Variants in RIMS2 observed in about 807,000 individuals in gnomAD.
RIMS2 encodes the protein regulating synaptic membrane exocytosis 2.
RIMS2 carries 59 observed loss-of-function variants against 174.4 expected under a neutral mutation model. That is an observed-to-expected ratio of 0.34 (90% confidence interval 0.27 to 0.42). The LOEUF (loss-of-function observed/expected upper bound fraction) is 0.42. Among genes scored for constraint, RIMS2 ranks in the 10% least tolerant of loss-of-function variants. The probability of loss-of-function intolerance (pLI) is 1.00; values close to 1 mark genes in which losing one functional copy is unlikely to be tolerated. For synonymous variants in RIMS2, 606 were observed against 572.5 expected (o/e 1.06, Z -0.84); for missense variants, 1,620 against 1,666.3 (o/e 0.97, Z 0.48).
At chr8:103,854,843 T>G (rs1192465106) in intron 3 of RIMS2, among the ~76,000 whole-genome samples, 1 of 152,050 alleles carries the variant, frequency 6.6e-6, no homozygotes, top group Non-Finnish European at 1.5e-5. Context: ...GTGGTATATA[T>G]GTCAGATTTT....
intron 2 of RIMS2, among the ~76,000 whole-genome samples, chr8:103,764,441 C>T (rs543269084): frequency 2.0e-5 from 3 of 152,150 alleles, no homozygotes; most frequent in Admixed American, 6.5e-5. Flanking sequence ...TTCTGTTTTG[C>T]GTGACTTTTT....
intron 19 of RIMS2, among the ~76,000 whole-genome samples, chr8:104,149,490 A>G (rs924515362): frequency 6.6e-6 from 1 of 152,220 alleles, no homozygotes; most frequent in Non-Finnish European, 1.5e-5. Flanking sequence ...AATAAATTAT[A>G]TACAACACTC....
At chr8:103,802,697 C>T (rs1381124035) in intron 3 of RIMS2, among the ~76,000 whole-genome samples, 1 of 152,142 alleles carries the variant, frequency 6.6e-6, no homozygotes, top group Non-Finnish European at 1.5e-5. Context: ...TGTGCTAAGA[C>T]AGGCCTGGGA....
intron 1 of RIMS2, among the ~76,000 whole-genome samples, chr8:103,677,338 T>C (rs1307708664): frequency 6.6e-6 from 1 of 152,140 alleles, no homozygotes. Context: ...TGCAATATTG[T>C]CATTTACTGC....
Position 104,107,971 on chromosome 8 carries a change from C to A in RIMS2, c.3334+93356C>A, listed in dbSNP as rs374464341. 7.7e-4 allele frequency among the ~76,000 whole-genome samples: 116 copies of A among 150,124 alleles called. 1 individual carries two copies. Among genetic ancestry groups the A allele is most frequent in the African/African-American group, 2.6e-3 (107 of 40,940 alleles). On this transcript the variant is annotated intron_variant, in intron 19 of 23. Transcript: ENST00000504942. ...AGTCCAGGTGGTCTTTCCCCTGCCC[C>A]CCCCCCACAATGGAAATAAACTACT... is the stretch of plus-strand genomic sequence containing the variant.
At chr8:104,170,939 T>G (rs1382001764) in intron 19 of RIMS2, among the ~76,000 whole-genome samples, 1 of 152,164 alleles carries the variant, frequency 6.6e-6, no homozygotes, top group Non-Finnish European at 1.5e-5. Context: ...AGAAAATTTT[T>G]GGCTGACAGT....
At chr8:103,670,568 C>G (rs745622765) in intron 1 of RIMS2, among the ~76,000 whole-genome samples, 1 of 152,282 alleles carries the variant, frequency 6.6e-6, no homozygotes, top group African/African-American at 2.4e-5. Context: ...TACTTTGCTG[C>G]TTAGAAATTT....
At chr8:103,853,073 GT>G (rs1342540297) in intron 3 of RIMS2, among the ~76,000 whole-genome samples, 1 of 151,394 alleles carries the variant, frequency 6.6e-6, no homozygotes, top group South Asian at 2.1e-4. Flanking sequence ...AAAATCTGGG[GT>G]TTTTTTTGTT....
chr8:104,137,505 A>G (rs1486219972), intron 19 of RIMS2, among the ~76,000 whole-genome samples: 2 of 152,234 alleles, frequency 1.3e-5, no homozygotes, highest in Non-Finnish European at 2.9e-5. Context: ...CAATTTACCA[A>G]TGAACAAAAG....
chr8:103,526,709 G>C (rs192919090), intron 1 of RIMS2, among the ~76,000 whole-genome samples: 33 of 152,214 alleles, frequency 2.2e-4, no homozygotes, highest in African/African-American at 7.0e-4. Flanking sequence ...AAATAACTAG[G>C]AGAAATGAGA....
intron 2 of RIMS2, among the ~76,000 whole-genome samples, chr8:103,750,164 A>C (rs2139681961): frequency 6.6e-6 from 1 of 152,246 alleles, no homozygotes; most frequent in East Asian, 1.9e-4. Context: ...TTACATTGTT[A>C]ACCTATTTTT....
intron 3 of RIMS2, among the ~76,000 whole-genome samples, chr8:103,795,614 AAAG>A (rs1448980408): frequency 6.6e-6 from 1 of 152,074 alleles, no homozygotes; most frequent in Non-Finnish European, 1.5e-5. Flanking sequence ...CAAAGAAAAA[AAAG>A]AGGATAAGCC....
intron 3 of RIMS2, among the ~76,000 whole-genome samples, chr8:103,849,571 C>T (rs1428670948): frequency 6.6e-6 from 1 of 151,916 alleles, no homozygotes; most frequent in Non-Finnish European, 1.5e-5. Context: ...GCAAGGGTGG[C>T]CAACTTTGGT....
At chr8:104,190,595 A>G (rs560812523) in intron 19 of RIMS2, among the ~76,000 whole-genome samples, 6 of 152,220 alleles carry the variant, frequency 3.9e-5, no homozygotes, top group East Asian at 1.9e-4. Flanking sequence ...CTCCAAATAT[A>G]TTCAAGTTTG....
At chr8:104,247,903 G>A (rs928621209) in intron 20 of RIMS2, among the ~76,000 whole-genome samples, 3 of 152,148 alleles carry the variant, frequency 2.0e-5, no homozygotes, top group Non-Finnish European at 4.4e-5. Flanking sequence ...GATTATCAAG[G>A]GAATTCAGAC....
At chr8:104,207,082 A>T (rs183800150) in intron 19 of RIMS2, among the ~76,000 whole-genome samples, 13 of 151,510 alleles carry the variant, frequency 8.6e-5, no homozygotes, top group Non-Finnish European at 1.2e-4. Flanking sequence ...GACTAGGATT[A>T]AAAAAAAACA....
intron 13 of RIMS2, among the ~76,000 whole-genome samples, chr8:103,938,749 T>G (rs1011171125): frequency 6.6e-6 from 1 of 152,180 alleles, no homozygotes; most frequent in Non-Finnish European, 1.5e-5. Context: ...GCAAGTTAGT[T>G]ACTTCCTAGA....
chr8:104,020,215 A>G (rs72683144), intron 19 of RIMS2, among the ~76,000 whole-genome samples: 19,444 of 151,378 alleles, frequency 0.13, 1,699 homozygotes, highest in Non-Finnish European at 0.19. Context: ...ATCTTTTTTG[A>G]TGTGCTTGGT....
chr8:103,896,536 T>C lies in RIMS2; in HGVS notation c.1624+10313T>C, dbSNP rs1218971476. On this transcript the variant is annotated intron_variant, in intron 4 of 23. Coordinates refer to ENST00000504942, the Ensembl canonical transcript of RIMS2. ...CCAATTTTTCAAGACTTATACTTGA[T>C]TTTTGTGAAGAGAAATAGTCAACAC... Among the ~76,000 whole-genome samples, 5 of 151,742 alleles carry C rather than the reference T, an allele frequency of 3.3e-5. 1 individual carries two copies. Among genetic ancestry groups the C allele is most frequent in the African/African-American group, 1.2e-4 (5 of 41,070 alleles).
Sources: gnomAD v4.1 joint callset for allele counts (sites outside exome capture counted in the v4.1 genomes callset) on GRCh38, gnomAD v4.1.1 for gene constraint, MANE v1.5 for transcripts, NCBI Gene and HGNC (gene_info 2026-07-23, HGNC 2026-07-21) for gene names.